Variants in SEMA3A observed in about 807,000 individuals in gnomAD.
The protein encoded by SEMA3A is semaphorin-3A.
SEMA3A carries 29 observed loss-of-function variants against 97.9 expected under a neutral mutation model. The observed-to-expected ratio is 0.30, with a 90% CI of 0.22 to 0.40. The LOEUF is 0.40. Ranked by LOEUF, SEMA3A falls within the 10% of genes least tolerant of loss-of-function variation. The pLI is 1.00. For synonymous variants in SEMA3A, 321 were observed against 323.7 expected (o/e 0.99, Z 0.09); for missense variants, 763 against 951.3 (o/e 0.80, Z 2.60).
intron 2 of SEMA3A, among the ~76,000 whole-genome samples, chr7:84,355,839 G>A (rs1802547277): frequency 6.6e-6 from 1 of 151,900 alleles, no homozygotes. Flanking sequence ...AGATCTATTT[G>A]TAAGTGCCTG....
intron 3 of SEMA3A, among the ~76,000 whole-genome samples, chr7:84,261,821 G>A (rs767374982): frequency 6.6e-6 from 1 of 152,214 alleles, no homozygotes; most frequent in African/African-American, 2.4e-5. Context: ...CAGTGGGCCC[G>A]AGCAAAACCC....
At chr7:84,480,401 G>T (rs754315815) in intron 1 of SEMA3A, among the ~76,000 whole-genome samples, 26 of 152,266 alleles carry the variant, frequency 1.7e-4, no homozygotes, top group Non-Finnish European at 2.4e-4. Flanking sequence ...AAAACTGCTC[G>T]TAGGGAATCT....
rs71078803 is a variant in SEMA3A, at chr7:84,099,075, C to CT, written c.453+11394dup. 9.7e-4 allele frequency among the ~76,000 whole-genome samples: 69 copies of CT among 70,878 alleles called. 10 individuals are homozygous for CT. Among genetic ancestry groups the CT allele is most frequent in the South Asian group, 3.7e-3 (10 of 2,736 alleles). The allele number at this position is 70,878 out of a possible 152,430, so 46.5% of individuals were successfully genotyped here. A position where few individuals can be genotyped will look rare whatever the true frequency, so the allele number is the denominator to read the frequency against. On this transcript the variant is annotated intron_variant, in intron 4 of 16. Coordinates refer to ENST00000265362, the MANE Select transcript of SEMA3A (RefSeq NM_006080.3). ...CAGGAATTACATTTTCTTTTTTTTT[C>CT]TTTTTTTTTTTTTGAGACGGAGTCT...
At chr7:84,095,359 A>T (rs1038708438) in intron 4 of SEMA3A, among the ~76,000 whole-genome samples, 533 of 11,232 alleles carry the variant, frequency 0.047, 2 homozygotes, top group Non-Finnish European at 0.062. Context: ...TTTTATATAC[A>T]TATATATATA....
chr7:84,424,792 A>T (rs1375439272), intron 1 of SEMA3A, among the ~76,000 whole-genome samples: 1 of 101,490 alleles, frequency 9.9e-6, no homozygotes, highest in Non-Finnish European at 1.7e-5. Context: ...TTTATATATA[A>T]ATAATTTATA....
At chr7:84,219,970 C>A (rs1798839248) in intron 3 of SEMA3A, among the ~76,000 whole-genome samples, 1 of 152,236 alleles carries the variant, frequency 6.6e-6, no homozygotes, top group South Asian at 2.1e-4. Context: ...ACTAAGACAA[C>A]AATGAAGTTC....
chr7:83,958,318 A>G lies in SEMA3A; in HGVS notation c.*3053T>C, dbSNP rs1192987972. 6.6e-6 allele frequency: 1 copy of G among 152,518 alleles called. No homozygotes were observed. Among genetic ancestry groups the G allele is most frequent in the East Asian group, 1.9e-4 (1 of 5,196 alleles). The allele number at this position is 152,518 out of a possible 1,614,324, so 9.4% of individuals were successfully genotyped here. A position where few individuals can be genotyped will look rare whatever the true frequency, so the allele number is the denominator to read the frequency against. ...TTCCTTAACACCATATGTTATAGGGAACAGTAAAGACATCTGAATTCAAAT... is the reference window on the plus strand; with the variant it reads ...TTCCTTAACACCATATGTTATAGGGGACAGTAAAGACATCTGAATTCAAAT... On this transcript the variant is annotated 3_prime_UTR_variant, in exon 17 of 17. Transcript: ENST00000265362.
At chr7:84,365,214 C>T (rs7789787) in intron 2 of SEMA3A, among the ~76,000 whole-genome samples, 43,461 of 151,264 alleles carry the variant, frequency 0.29, 6,726 homozygotes, top group African/African-American at 0.38. Flanking sequence ...CAAAAGTCTA[C>T]GTGCCAGAGA....
At chr7:84,180,351 T>C (rs915840308) in intron 1 of SEMA3A, among the ~76,000 whole-genome samples, 6 of 152,080 alleles carry the variant, frequency 3.9e-5, no homozygotes, top group South Asian at 2.1e-4. Context: ...TAGCAGAACA[T>C]AGAATTAATT....
intron 1 of SEMA3A, among the ~76,000 whole-genome samples, chr7:84,455,467 T>G (rs1562953653): frequency 6.6e-6 from 1 of 151,974 alleles, no homozygotes; most frequent in South Asian, 2.1e-4. Context: ...GTTTGATTAA[T>G]AAAAATATTT....
intron 2 of SEMA3A, among the ~76,000 whole-genome samples, chr7:84,332,956 T>A (rs980501209): frequency 6.6e-6 from 1 of 152,104 alleles, no homozygotes; most frequent in African/African-American, 2.4e-5. Flanking sequence ...TAATGCAATC[T>A]CATTCTATAA....
chr7:84,091,201 AAAGAAAGAAAGAAAAGAAAAG>A (rs1275479592), intron 4 of SEMA3A, among the ~76,000 whole-genome samples: 1 of 77,292 alleles, frequency 1.3e-5, no homozygotes, highest in Non-Finnish European at 2.8e-5. Flanking sequence ...AGAAAGAAAG[AAAGAAAGAAAGAAAAGAAAAG>A]AAAGAAAAGA....
chr7:84,005,387 G>A lies in SEMA3A; in HGVS notation c.1312C>T (p.Arg438Ter). ...TACTGTCCATCTTCTGCATCCACTCGGTCTACGACAATTTGTGTAAATTGA... is the reference window on the plus strand; with the variant it reads ...TACTGTCCATCTTCTGCATCCACTCAGTCTACGACAATTTGTGTAAATTGA... ...NYQFTQIVVD[R>*]VDAEDGQYDV... The change falls in exon 11 of 17, where the codon CGA becomes TGA. Residue 438 changes from arginine (R) to a stop codon, truncating the protein, a stop_gained. Transcript: ENST00000265362. LOFTEE classifies it high-confidence loss of function. The A allele has an allele frequency of 6.2e-7, 1 of 1,613,600 alleles. No individual in the cohort carries two copies. The highest frequency in any genetic ancestry group is 8.5e-7 in the Non-Finnish European group (1 of 1,179,780).
intron 3 of SEMA3A, among the ~76,000 whole-genome samples, chr7:84,233,166 T>G (rs1006324302): frequency 3.9e-5 from 6 of 152,048 alleles, no homozygotes; most frequent in Non-Finnish European, 8.8e-5. Context: ...TAATTTATTT[T>G]TGCCCCTTTT....
chr7:84,251,913 G>T (rs77881141), intron 3 of SEMA3A, among the ~76,000 whole-genome samples: 1 of 90,330 alleles, frequency 1.1e-5, no homozygotes, highest in South Asian at 2.9e-4. Context: ...AAAATAAAAA[G>T]AAAACAATTG....
chr7:84,425,474 T>A (rs1182363955), intron 1 of SEMA3A, among the ~76,000 whole-genome samples: 1 of 140,958 alleles, frequency 7.1e-6, no homozygotes, highest in African/African-American at 2.6e-5. Flanking sequence ...TATACATATA[T>A]TTATATAAAA....
chr7:84,007,340 C>T lies in SEMA3A; in HGVS notation c.1140+13G>A. 6.3e-7 allele frequency: 1 copy of T among 1,586,750 alleles called. No homozygotes were observed. Among genetic ancestry groups the T allele is most frequent in the South Asian group, 1.2e-5 (1 of 86,496 alleles). ...TATATTCATTTCATATTTTAAACAC[C>T]TAAGCTACTTACAGTTCCTGGCCGT... On this transcript the variant is annotated intron_variant, in intron 10 of 16. Coordinates refer to ENST00000265362, the MANE Select transcript of SEMA3A (RefSeq NM_006080.3).
chr7:84,132,351 A>T (rs1795985773), intron 2 of SEMA3A, among the ~76,000 whole-genome samples: 1 of 151,346 alleles, frequency 6.6e-6, no homozygotes, highest in African/African-American at 2.4e-5. Flanking sequence ...GGTAAAAGAT[A>T]CTGTGATATA....
At chr7:84,398,278 C>T (rs1803792217) in intron 1 of SEMA3A, among the ~76,000 whole-genome samples, 1 of 152,172 alleles carries the variant, frequency 6.6e-6, no homozygotes, top group Admixed American at 6.5e-5. Context: ...TGCAATTTCT[C>T]AGAACCTATA....
Sources: allele counts gnomAD v4.1 joint callset (sites outside exome capture counted in the v4.1 genomes callset), GRCh38; gene constraint gnomAD v4.1.1; transcripts MANE v1.5; gene names NCBI Gene and HGNC (gene_info 2026-07-23, HGNC 2026-07-21).